The following SLIT3 variants were observed in gnomAD, a reference collection of about 807,000 sequenced individuals.
SLIT3 encodes the protein slit homolog 3 protein.
A neutral mutation model predicts 184.0 loss-of-function variants in SLIT3; 68 were observed. That is an observed-to-expected ratio of 0.37 (90% confidence interval 0.30 to 0.45). The LOEUF (loss-of-function observed/expected upper bound fraction) is 0.45, where lower values mean the gene tolerates loss of function less well. Among genes scored for constraint, SLIT3 ranks in the 20% least tolerant of loss-of-function variants. SLIT3 has a pLI of 1.00. For synonymous variants in SLIT3, 831 were observed against 828.6 expected, an observed-to-expected ratio of 1.00 and a Z score of -0.05; for missense variants, 1,707 against 2,026.0, an observed-to-expected ratio of 0.84 and a Z score of 3.02.
At chr5:169,177,551 G>A (rs1763021977) in intron 4 of SLIT3, among the ~76,000 whole-genome samples, 2 of 152,170 alleles carry the variant, frequency 1.3e-5, no homozygotes, top group Non-Finnish European at 2.9e-5. Context: ...TAGGTAAGCA[G>A]GGTGCAGTGA....
chr5:169,148,264 G>A (rs557974406), intron 4 of SLIT3, among the ~76,000 whole-genome samples: 11 of 152,256 alleles, frequency 7.2e-5, no homozygotes, highest in Admixed American at 2.6e-4. Flanking sequence ...AGCCAATGCC[G>A]GGCCCGTATT....
chr5:169,235,802 G>A (rs1765176161), intron 3 of SLIT3, among the ~76,000 whole-genome samples: 1 of 152,156 alleles, frequency 6.6e-6, no homozygotes, highest in African/African-American at 2.4e-5. Flanking sequence ...ATGGGTTTCG[G>A]GGAGGAAGAT....
chr5:168,723,021 A>T lies in SLIT3; in HGVS notation c.2340-17T>A, dbSNP rs1422365861. The T allele has an allele frequency of 2.5e-6, 4 of 1,605,146 alleles. No homozygotes were observed. The highest frequency in any genetic ancestry group is 3.4e-6 in the Non-Finnish European group (4 of 1,171,808). On this transcript the variant is annotated splice_polypyrimidine_tract_variant and intron_variant, in intron 21 of 35. Coordinates refer to ENST00000519560, the MANE Select transcript of SLIT3 (RefSeq NM_003062.4). The stretch of plus-strand genomic sequence containing the variant: ...CTCAGGTCACTAGGAAAAGTAAAAC[A>T]GAGGGGTCATGCTTTTGTCTTAGTT...
chr5:168,881,185 C>T (rs887861591), intron 5 of SLIT3, among the ~76,000 whole-genome samples: 2 of 152,152 alleles, frequency 1.3e-5, no homozygotes, highest in South Asian at 4.1e-4. Flanking sequence ...GAGTAATACA[C>T]ATTTGCATGG....
At chr5:168,703,474 C>T (rs1375471729) in intron 26 of SLIT3, among the ~76,000 whole-genome samples, 2 of 152,068 alleles carry the variant, frequency 1.3e-5, no homozygotes, top group African/African-American at 4.8e-5. Context: ...GGAGCACACA[C>T]CCTACTGTGA....
At chr5:168,860,425 G>A (rs1463486626) in intron 5 of SLIT3, among the ~76,000 whole-genome samples, 1 of 152,152 alleles carries the variant, frequency 6.6e-6, no homozygotes, top group Non-Finnish European at 1.5e-5. Flanking sequence ...GTGAGGAATG[G>A]TGGCCTAATG....
chr5:168,778,918 T>G lies in SLIT3; in HGVS notation c.1152-4540A>C, dbSNP rs150344118. Among the ~76,000 whole-genome samples, 875 of 152,314 alleles carry G rather than the reference T, an allele frequency of 5.7e-3. 9 individuals are homozygous for G. The highest frequency in any genetic ancestry group is 0.021 in the African/African-American group (857 of 41,562). On this transcript the variant is annotated intron_variant, in intron 12 of 35. Transcript: ENST00000519560. ...TCATCGGTATTTCCCCAGATGCAGA[T>G]CCAGTGATCTTTTGGGGCCACCTGC...
At chr5:168,890,009 G>C (rs1760385367) in intron 4 of SLIT3, among the ~76,000 whole-genome samples, 1 of 151,990 alleles carries the variant, frequency 6.6e-6, no homozygotes. Flanking sequence ...CAGGCGTGGT[G>C]GTGGGCACCT....
chr5:168,760,364 T>G (rs1446221182), intron 16 of SLIT3, among the ~76,000 whole-genome samples: 1 of 152,156 alleles, frequency 6.6e-6, no homozygotes, highest in Non-Finnish European at 1.5e-5. Context: ...CAAGGCATGG[T>G]CAGACCCACG....
At chr5:168,896,593 G>T (rs1760670703) in intron 4 of SLIT3, among the ~76,000 whole-genome samples, 1 of 152,146 alleles carries the variant, frequency 6.6e-6, no homozygotes, top group African/African-American at 2.4e-5. Context: ...GCTTTCCTGG[G>T]GCCTGCAGGG....
chr5:168,791,320 C>T (rs1756359178), intron 10 of SLIT3: 1 of 152,278 alleles, frequency 6.6e-6, no homozygotes, highest in Admixed American at 6.5e-5. Flanking sequence ...GGAGGGCAAA[C>T]TGGTTTTCAG....
chr5:168,748,164 C>T lies in SLIT3; in HGVS notation c.2270+138G>A, dbSNP rs1032943216. ...ATCTTGGTGAGGGCTCCACTGCCAT[C>T]TTGCTGGGATCCATTCAAGTAGGGT... is the stretch of plus-strand genomic sequence containing the variant. On this transcript the variant is annotated intron_variant, in intron 20 of 35. Transcript: ENST00000519560. The T allele has an allele frequency of 7.9e-6, 8 of 1,012,538 alleles. No homozygotes were observed. The African/African-American group carries it at 8.4e-5, about 11-fold the overall frequency. 62.7% of individuals were successfully genotyped at this position (1,012,538 alleles called of 1,614,324 possible).
At chr5:169,107,498 A>G (rs896464737) in intron 4 of SLIT3, among the ~76,000 whole-genome samples, 3 of 152,210 alleles carry the variant, frequency 2.0e-5, no homozygotes, top group African/African-American at 7.2e-5. Flanking sequence ...TTGTGCTTTG[A>G]ACATGGTGAG....
At chr5:168,842,387 G>T (rs1478556990) in intron 6 of SLIT3, among the ~76,000 whole-genome samples, 1 of 145,548 alleles carries the variant, frequency 6.9e-6, no homozygotes, top group Non-Finnish European at 1.5e-5. Flanking sequence ...TAAGGAATGA[G>T]AACTTTTTTT....
chr5:169,193,420 TCC>T, intron 4 of SLIT3, 57 bp downstream of exon 4: 1 of 1,433,812 alleles, frequency 7.0e-7, no homozygotes, highest in Non-Finnish European at 9.8e-7. Context: ...AACCACATCC[TCC>T]ACATCACCCA....
intron 3 of SLIT3, among the ~76,000 whole-genome samples, chr5:169,196,976 C>G (rs965696164): frequency 6.6e-6 from 1 of 152,162 alleles, no homozygotes; most frequent in Non-Finnish European, 1.5e-5. Flanking sequence ...AGAGAACCAA[C>G]ACTCCATTCC....
chr5:168,841,251 C>T (rs1758236891), intron 6 of SLIT3, among the ~76,000 whole-genome samples: 1 of 152,158 alleles, frequency 6.6e-6, no homozygotes, highest in African/African-American at 2.4e-5. Flanking sequence ...CTGAGATGGG[C>T]TACTTTTTTT....
chr5:169,247,312 A>G (rs1371539445), intron 2 of SLIT3, among the ~76,000 whole-genome samples: 1 of 152,010 alleles, frequency 6.6e-6, no homozygotes, highest in Admixed American at 6.6e-5. Context: ...TCACACTAGC[A>G]CGTCACGCTA....
In SLIT3 at chr5:169,169,771, G is replaced by A. The variant is rs13359494; in HGVS notation, c.413+23708C>T. 3.0e-3 allele frequency among the ~76,000 whole-genome samples: 464 copies of A among 152,302 alleles called. 3 individuals carry two copies. The highest frequency in any genetic ancestry group is 0.01 in the Middle Eastern group (3 of 294). ...AGAAGCTGCATCACCACAGAAACAC[G>A]ACCTGACTGAGGAGATGAAATGAGG... On this transcript the variant is annotated intron_variant, in intron 4 of 35. Coordinates refer to ENST00000519560, the MANE Select transcript of SLIT3 (RefSeq NM_003062.4).
Sources: allele counts gnomAD v4.1 joint callset (sites outside exome capture counted in the v4.1 genomes callset), GRCh38; gene constraint gnomAD v4.1.1; transcripts MANE v1.5; gene names NCBI Gene and HGNC (gene_info 2026-07-23, HGNC 2026-07-21).